Variants in DMXL1 observed in about 807,000 individuals in gnomAD.
DMXL1 encodes Dmx like 1.
Under a neutral mutation model 319.2 loss-of-function variants are expected in DMXL1, and 99 were observed. The ratio of observed to expected loss-of-function variants is 0.31; its 90% CI spans 0.26 to 0.37. The LOEUF (loss-of-function observed/expected upper bound fraction) is 0.37. Among genes scored for constraint, DMXL1 ranks in the 10% least tolerant of loss-of-function variants. DMXL1 has a pLI of 1.00. For missense variants in DMXL1, 3,745 were observed against 3,595.6 expected, an observed-to-expected ratio of 1.04 and a Z score of -1.06; for synonymous variants, 1,385 against 1,235.2, an observed-to-expected ratio of 1.12 and a Z score of -2.54.
chr5:119,199,983 A>G (rs1253354214), intron 32 of DMXL1, among the ~76,000 whole-genome samples: 2 of 152,046 alleles, frequency 1.3e-5, no homozygotes, highest in Admixed American at 1.3e-4. Context: ...TTAGACCTTT[A>G]TCAGGTACAT....
intron 23 of DMXL1, among the ~76,000 whole-genome samples, chr5:119,168,298 G>A (rs1477427868): frequency 6.6e-6 from 1 of 152,162 alleles, no homozygotes; most frequent in African/African-American, 2.4e-5. Flanking sequence ...GTCTTGTTAT[G>A]AACTGGTAGA....
chr5:119,207,095 A>G (rs781761885), intron 34 of DMXL1, among the ~76,000 whole-genome samples, 199 bp downstream of exon 34: 6 of 152,180 alleles, frequency 3.9e-5, no homozygotes, highest in Non-Finnish European at 8.8e-5. Context: ...AGAGAATGCA[A>G]TTTTAAAGGG....
intron 4 of DMXL1, 106 bp from the exon 5 acceptor site, chr5:119,110,045 A>T (rs1477546332): frequency 9.4e-7 from 1 of 1,062,792 alleles, no homozygotes; most frequent in African/African-American, 1.7e-5. Context: ...ATTTTTTTTG[A>T]TATTTGACTT....
At chr5:119,110,050 T>C in intron 4 of DMXL1, 101 bp from the exon 5 acceptor site, 1 of 1,154,576 alleles carries the variant, frequency 8.7e-7, no homozygotes, top group Non-Finnish European at 1.2e-6. Context: ...TTTTGATATT[T>C]GACTTTTTTT....
chr5:119,127,453 C>G (rs1248395889), intron 9 of DMXL1: 1 of 151,628 alleles, frequency 6.6e-6, no homozygotes, highest in Non-Finnish European at 1.5e-5. Flanking sequence ...TTTAAACTTA[C>G]CGAATTACTC....
At chr5:119,088,779 C>G (rs1489485364) in intron 1 of DMXL1, among the ~76,000 whole-genome samples, 1 of 152,090 alleles carries the variant, frequency 6.6e-6, no homozygotes, top group African/African-American at 2.4e-5. Context: ...AAATGCTATA[C>G]TCACATTTTT....
chr5:119,137,702 TG>T (rs1475942514), intron 13 of DMXL1, among the ~76,000 whole-genome samples: 1 of 152,190 alleles, frequency 6.6e-6, no homozygotes, highest in African/African-American at 2.4e-5. Context: ...CCTGCCACCT[TG>T]TGAAGAAGGT....
chr5:119,184,981 A>G (rs1777442156), intron 28 of DMXL1, among the ~76,000 whole-genome samples: 1 of 152,182 alleles, frequency 6.6e-6, no homozygotes, highest in African/African-American at 2.4e-5. Flanking sequence ...TGAAGACATT[A>G]CCTTATCCAT....
At chr5:119,219,877 A>G (rs941580305) in intron 35 of DMXL1, among the ~76,000 whole-genome samples, 1 of 152,068 alleles carries the variant, frequency 6.6e-6, no homozygotes, top group Non-Finnish European at 1.5e-5. Context: ...CAAGATGTAC[A>G]TTTTTGATTC....
chr5:119,164,485 A>G (rs776459488), intron 19 of DMXL1, 22 bp from the exon 20 acceptor site: 8 of 1,601,580 alleles, frequency 5.0e-6, no homozygotes, highest in Non-Finnish European at 3.4e-6. Flanking sequence ...TCTTATAAAC[A>G]TCATTTTTTA....
At chr5:119,240,965 A>G (rs1031226498) in intron 42 of DMXL1, among the ~76,000 whole-genome samples, 10 of 152,222 alleles carry the variant, frequency 6.6e-5, no homozygotes, top group African/African-American at 1.7e-4. Context: ...TACAAGGTCA[A>G]TATACAGTTG....
At chr5:119,231,221 A>G (rs1371857355) in intron 38 of DMXL1, among the ~76,000 whole-genome samples, 2 of 152,192 alleles carry the variant, frequency 1.3e-5, no homozygotes, top group Non-Finnish European at 2.9e-5. Context: ...TTTGGTAAAT[A>G]TACTCATTTC....
At position 119,121,132 on chromosome 5, in the gene DMXL1, A is replaced by C. The variant is rs778214012; in HGVS notation, c.1095A>C (p.Pro365=). ...CHFHIAASIN[P]ATDIPLLPSI... ...TTCATATTGCAGCCAGCATCAACCC[A>C]GCCACAGGTAATGAAACATTGTTCA... is the stretch of plus-strand genomic sequence containing the variant. Residue 365 remains proline, a synonymous_variant, in exon 9 of 44, where the codon CCA becomes CCC. Transcript: ENST00000539542. The C allele has an allele frequency of 1.1e-5, 17 of 1,601,088 alleles. No individual in the cohort carries two copies. The highest frequency in any genetic ancestry group is 1.3e-5 in the Non-Finnish European group (15 of 1,176,010).
chr5:119,123,520 G>T (rs2149978640), intron 9 of DMXL1, among the ~76,000 whole-genome samples: 1 of 152,112 alleles, frequency 6.6e-6, no homozygotes, highest in East Asian at 1.9e-4. Context: ...ATTTCTGTTT[G>T]TTTGCCCTTT....
At chr5:119,141,720 A>G (rs572429366) in intron 13 of DMXL1, among the ~76,000 whole-genome samples, 5 of 152,308 alleles carry the variant, frequency 3.3e-5, no homozygotes, top group South Asian at 2.1e-4. Context: ...TGCTATTCCT[A>G]TCAAACTACC....
chr5:119,237,935 G>A (rs1221672438), intron 40 of DMXL1, among the ~76,000 whole-genome samples: 1 of 151,860 alleles, frequency 6.6e-6, no homozygotes, highest in Non-Finnish European at 1.5e-5. Context: ...CTCTTTATAG[G>A]ACTAAGCAAT....
In DMXL1 at chr5:119,089,029, G is replaced by A. The variant is rs543940318; in HGVS notation, c.88-8950G>A. On this transcript the variant is annotated intron_variant, in intron 1 of 43. Transcript: ENST00000539542. ...GTGGTTTTTTTAATTTCATGTTGAA[G>A]AACTCCCTTTAGCATTTTTGCAAGT... is the stretch of plus-strand genomic sequence containing the variant. Among the ~76,000 whole-genome samples the A allele has an allele frequency of 3.3e-5, 5 of 151,200 alleles. No homozygotes were observed. In the South Asian group the frequency reaches 6.3e-4, roughly 19 times the overall value.
Position 119,098,048 on chromosome 5 carries a change from G to C in DMXL1, c.157G>C (p.Ala53Pro). The C allele has an allele frequency of 1.2e-6, 2 of 1,609,110 alleles. No homozygotes were observed. The highest frequency in any genetic ancestry group is 2.2e-5 in the East Asian group (1 of 44,712). The stretch of plus-strand genomic sequence containing the variant: ...TGAAAGATTACAGATAATCCCAGGA[G>C]CTAAACATGGAAATATTCAAGTGGG... Reference protein sequence around the residue: ...DFERLQIIPGAKHGNIQVGCV... With the variant: ...DFERLQIIPGPKHGNIQVGCV... Residue 53 changes from alanine (A) to proline (P), a missense_variant, in exon 2 of 44, where the codon GCT (alanine) becomes CCT (proline). Around this residue, in one of 4 missense-constraint regions of DMXL1, gnomAD observed 2,096 missense variants for 1,985.4 expected, o/e 1.06. Transcript: ENST00000539542.
Position 119,133,932 on chromosome 5 carries a change from G to C in DMXL1, c.2008G>C (p.Glu670Gln). The change falls in exon 12 of 44, where the codon GAG (glutamate) becomes CAG (glutamine). Residue 670 changes from glutamate to glutamine, a missense_variant. This residue lies in a region of DMXL1 where 2,096 missense variants were observed against 1,985.4 expected (regional missense o/e 1.06). Coordinates refer to ENST00000539542, the MANE Select transcript of DMXL1 (RefSeq NM_001290321.3). ...ALRTPDVDNP[E>Q]QPFDALNIEE... ...AAGGACACCAGATGTTGATAACCCA[G>C]AGCAACCTTTTGATGCTCTAAATAT... The C allele has an allele frequency of 6.2e-7, 1 of 1,614,110 alleles. No homozygotes were observed. The highest frequency in any genetic ancestry group is 8.5e-7 in the Non-Finnish European group (1 of 1,180,018).
Sources: allele counts gnomAD v4.1 joint callset (sites outside exome capture counted in the v4.1 genomes callset), GRCh38; gene constraint gnomAD v4.1.1; regional missense constraint gnomAD v4.1.1; transcripts MANE v1.5; gene names NCBI Gene and HGNC (gene_info 2026-07-23, HGNC 2026-07-21).